WDR25: variants seen among roughly 807,000 people sequenced by gnomAD.
WDR25 encodes the protein WD repeat-containing protein 25.
Under a neutral mutation model 47.7 loss-of-function variants are expected in WDR25, and 35 were observed. The ratio of observed to expected loss-of-function variants is 0.73; its 90% CI spans 0.56 to 0.97. The LOEUF (loss-of-function observed/expected upper bound fraction) is 0.97. Among genes scored for constraint, WDR25 ranks in the 50% least tolerant of loss-of-function variants. WDR25 has a pLI of 0.00. For synonymous variants in WDR25, 248 were observed against 278.9 expected (o/e 0.89, Z 1.10); for missense variants, 634 against 704.7 (o/e 0.90, Z 1.14).
rs1452805649 is a variant in WDR25 at position 100,500,903 on chromosome 14, A to G, written c.1101+16779A>G. Among the ~76,000 whole-genome samples, 1 of 152,108 alleles carries G rather than the reference A, an allele frequency of 6.6e-6. No individual in the cohort carries two copies. Among genetic ancestry groups the G allele is most frequent in the Non-Finnish European group, 1.5e-5 (1 of 68,020 alleles). On this transcript the variant is annotated intron_variant, in intron 4 of 6. Coordinates refer to ENST00000402312, the MANE Select transcript of WDR25 (RefSeq NM_001161476.3). This position sits in a 1 kb window ranked among gnomAD's most constrained non-coding sequence, Gnocchi z 4.7. ...CACACAAATACATGTGTAATTGTCTATTTCTGCTTTTCTTCCTTTCCCATG... is the reference window on the plus strand; with the variant it reads ...CACACAAATACATGTGTAATTGTCTGTTTCTGCTTTTCTTCCTTTCCCATG...
chr14:100,512,754 G>A lies in WDR25; in HGVS notation c.1102-13116G>A, dbSNP rs1467226089. 2.6e-5 allele frequency among the ~76,000 whole-genome samples: 4 copies of A among 152,098 alleles called. No individual in the cohort carries two copies. The East Asian group carries it at 7.7e-4, about 29-fold the overall frequency. On this transcript the variant is annotated intron_variant, in intron 4 of 6. Transcript: ENST00000402312. Reference sequence around the variant, plus strand: ...TGATTTTTCTCTAGGTATTTCAGCTGCACTACCCAAGCTGTTGATATATTG... The same window carrying A: ...TGATTTTTCTCTAGGTATTTCAGCTACACTACCCAAGCTGTTGATATATTG...
intron 1 of WDR25, 53 bp downstream of exon 1, chr14:100,376,548 G>A (rs1896680263): frequency 8.1e-7 from 1 of 1,231,836 alleles, no homozygotes; most frequent in East Asian, 3.2e-5. Flanking sequence ...ACTGGGCAGC[G>A]CCTAAAGCGC....
chr14:100,405,367 G>A (rs1274797087), intron 2 of WDR25, among the ~76,000 whole-genome samples: 1 of 151,856 alleles, frequency 6.6e-6, no homozygotes, highest in Admixed American at 6.6e-5. Flanking sequence ...GTCCATGTAG[G>A]CCAGGCTGGT....
At chr14:100,474,800 A>G (rs1487680655) in intron 3 of WDR25, among the ~76,000 whole-genome samples, 1 of 152,258 alleles carries the variant, frequency 6.6e-6, no homozygotes, top group African/African-American at 2.4e-5. Flanking sequence ...AAAGAATTGC[A>G]TCAAACTAAA....
chr14:100,434,043 T>C (rs1300156370), intron 2 of WDR25, among the ~76,000 whole-genome samples: 1 of 148,514 alleles, frequency 6.7e-6, no homozygotes, highest in Non-Finnish European at 1.5e-5. Flanking sequence ...CTGGGCAACA[T>C]AGTGAAAAGC....
At chr14:100,441,894 A>T (rs1898681603) in intron 2 of WDR25, among the ~76,000 whole-genome samples, 1 of 151,806 alleles carries the variant, frequency 6.6e-6, no homozygotes, top group Non-Finnish European at 1.5e-5. Flanking sequence ...CCTTGCACTG[A>T]CTCTCTGTTA....
chr14:100,388,167 T>G lies in WDR25; in HGVS notation c.822+6421T>G, dbSNP rs1384028207. 2.0e-5 allele frequency among the ~76,000 whole-genome samples: 3 copies of G among 152,210 alleles called. No homozygotes were observed. The East Asian group carries it at 5.8e-4, about 29-fold the overall frequency. ...CATTATGCAGATGATTGGCAATTTA[T>G]TCTAAGCACGAGGCAAATCTATTGG... On this transcript the variant is annotated intron_variant, in intron 2 of 6. Transcript: ENST00000402312.
intron 4 of WDR25, chr14:100,503,776 A>T (rs1052518808): frequency 6.6e-6 from 1 of 152,198 alleles, no homozygotes; most frequent in Non-Finnish European, 1.5e-5. Context: ...GGACAGATGC[A>T]TGCTACCGCA....
chr14:100,524,395 C>A (rs899563722), intron 4 of WDR25, among the ~76,000 whole-genome samples: 1 of 152,176 alleles, frequency 6.6e-6, no homozygotes, highest in Non-Finnish European at 1.5e-5. Flanking sequence ...TCTTAGGGAT[C>A]AAAGTGTTGA....
intron 4 of WDR25, among the ~76,000 whole-genome samples, chr14:100,507,275 G>A (rs1473911422): frequency 1.3e-5 from 2 of 152,134 alleles, no homozygotes; most frequent in Non-Finnish European, 2.9e-5. Context: ...GTCTGTGTTT[G>A]TACAGTACTA....
At chr14:100,393,319 G>A (rs548985863) in intron 2 of WDR25, among the ~76,000 whole-genome samples, 2 of 152,270 alleles carry the variant, frequency 1.3e-5, no homozygotes, top group South Asian at 4.2e-4. Flanking sequence ...ATTTTGAAAG[G>A]TACAAAAACA....
intron 2 of WDR25, among the ~76,000 whole-genome samples, chr14:100,465,153 C>T (rs1004187411): frequency 1.3e-5 from 2 of 149,518 alleles, no homozygotes; most frequent in African/African-American, 4.9e-5. Flanking sequence ...ATGAGATCTG[C>T]TTTTTTTTTT....
chr14:100,440,455 T>G lies in WDR25; in HGVS notation c.823-27566T>G, dbSNP rs1318461900. Among the ~76,000 whole-genome samples, 1 of 152,174 alleles carries G rather than the reference T, an allele frequency of 6.6e-6. No individual in the cohort carries two copies. Among genetic ancestry groups the G allele is most frequent in the African/African-American group, 2.4e-5 (1 of 41,440 alleles). On this transcript the variant is annotated intron_variant, in intron 2 of 6. Transcript: ENST00000402312. This position sits in a 1 kb window ranked among gnomAD's most constrained non-coding sequence, Gnocchi z 4.4. ...CTGTTTACAGGCGGATAGAAAGGGC[T>G]GTAGGATGGGACCCTCAAGGTTTTG... is the stretch of plus-strand genomic sequence containing the variant.
At chr14:100,486,743 T>C (rs1034030401) in intron 4 of WDR25, among the ~76,000 whole-genome samples, 2 of 152,212 alleles carry the variant, frequency 1.3e-5, no homozygotes. Context: ...AGTGAGCAGC[T>C]TGGCTTTTTC....
chr14:100,505,444 G>A (rs2140355083), intron 4 of WDR25, among the ~76,000 whole-genome samples: 1 of 152,250 alleles, frequency 6.6e-6, no homozygotes, highest in South Asian at 2.1e-4. Context: ...ATTGATTGAT[G>A]TGTCTATCAT....
At chr14:100,517,159 A>G (rs1225086690) in intron 4 of WDR25, among the ~76,000 whole-genome samples, 3 of 118,308 alleles carry the variant, frequency 2.5e-5, no homozygotes, top group African/African-American at 1.0e-4. Context: ...TCTGTCGCCC[A>G]GGCTGGAGTG....
rs117917354 is a variant in WDR25 at position 100,444,742 on chromosome 14, G to A, written c.823-23279G>A. Among the ~76,000 whole-genome samples, 967 of 152,312 alleles carry A rather than the reference G, an allele frequency of 6.3e-3. 5 individuals are homozygous for A. Among genetic ancestry groups the A allele is most frequent in the Middle Eastern group, 0.01 (3 of 294 alleles). ...GGGCTGTGTCTAGAAGGAGGCAGCG[G>A]CGAAACAGCTCATCGTCCTCCTCAC... is the stretch of plus-strand genomic sequence containing the variant. On this transcript the variant is annotated intron_variant, in intron 2 of 6. Coordinates refer to ENST00000402312, the MANE Select transcript of WDR25 (RefSeq NM_001161476.3).
chr14:100,412,944 C>G (rs1011073659), intron 2 of WDR25, among the ~76,000 whole-genome samples: 1 of 152,168 alleles, frequency 6.6e-6, no homozygotes, highest in Non-Finnish European at 1.5e-5. Context: ...AATCTCCTGC[C>G]TCAGCTTCCC....
chr14:100,407,448 C>G lies in WDR25; in HGVS notation c.822+25702C>G, dbSNP rs1897573689. 1 of 152,420 alleles carries G rather than the reference C, an allele frequency of 6.6e-6. No individual in the cohort carries two copies. Among genetic ancestry groups the G allele is most frequent in the African/African-American group, 2.4e-5 (1 of 41,558 alleles). The allele number at this position is 152,420 out of a possible 1,614,324, so 9.4% of individuals were successfully genotyped here. ...CTGGCTGAAGCTAAGTGAGGCCAGC[C>G]TTCTGGGTGTTGGGTATCAGGTTCT... On this transcript the variant is annotated intron_variant, in intron 2 of 6. Transcript: ENST00000402312. This position sits in a 1 kb window ranked among gnomAD's most constrained non-coding sequence, Gnocchi z 4.1.
Sources: allele counts gnomAD v4.1 joint callset (sites outside exome capture counted in the v4.1 genomes callset), GRCh38; gene constraint gnomAD v4.1.1; non-coding constraint Gnocchi (gnomAD v3.1); transcripts MANE v1.5; gene names NCBI Gene and HGNC (gene_info 2026-07-23, HGNC 2026-07-21).